CHRNA6: variants seen among roughly 807,000 people sequenced by gnomAD.
The protein encoded by CHRNA6 is cholinergic receptor nicotinic alpha 6 subunit.
A neutral mutation model predicts 40.9 loss-of-function variants in CHRNA6; 31 were observed. That is an observed-to-expected ratio of 0.76 (90% confidence interval 0.57 to 1.02). The LOEUF (loss-of-function observed/expected upper bound fraction) is 1.02. Ranked by LOEUF, CHRNA6 falls within the 50% of genes least tolerant of loss-of-function variation. The pLI is 0.00. For synonymous variants in CHRNA6, 222 were observed against 221.3 expected (o/e 1.00, Z -0.03); for missense variants, 546 against 596.6 (o/e 0.92, Z 0.88).
intron 3 of CHRNA6, 33 bp downstream of exon 3, chr8:42,759,036 A>G (rs1309774472): frequency 3.2e-6 from 5 of 1,572,792 alleles, no homozygotes; most frequent in Non-Finnish European, 4.4e-6. Context: ...TCCATTCAAC[A>G]TCATTAAGCC....
At chr8:42,765,907 T>C (rs1272310970) in intron 1 of CHRNA6, among the ~76,000 whole-genome samples, 1 of 151,996 alleles carries the variant, frequency 6.6e-6, no homozygotes, top group African/African-American at 2.4e-5. Flanking sequence ...TATTAAAAAG[T>C]GAAGAAATAA....
chr8:42,761,121 G>C (rs529262234), intron 2 of CHRNA6, among the ~76,000 whole-genome samples: 2 of 152,242 alleles, frequency 1.3e-5, no homozygotes, highest in African/African-American at 4.8e-5. Flanking sequence ...TGCCCCTTCT[G>C]GAAAACTCTA....
chr8:42,764,676 T>A (rs557589413), intron 2 of CHRNA6, among the ~76,000 whole-genome samples: 1 of 152,262 alleles, frequency 6.6e-6, no homozygotes, highest in South Asian at 2.1e-4. Flanking sequence ...GCTTTGGAGT[T>A]AAATCTCAAT....
chr8:42,757,760 G>A (rs1459638539), intron 3 of CHRNA6, among the ~76,000 whole-genome samples: 7 of 145,612 alleles, frequency 4.8e-5, no homozygotes, highest in Non-Finnish European at 9.0e-5. Flanking sequence ...GTGGCCCGGC[G>A]CGATGGCTCA....
At chr8:42,764,130 T>C (rs1816940181) in intron 2 of CHRNA6, among the ~76,000 whole-genome samples, 1 of 152,156 alleles carries the variant, frequency 6.6e-6, no homozygotes, top group Non-Finnish European at 1.5e-5. Flanking sequence ...GCCCAGACCT[T>C]GCTGTACCCA....
Position 42,757,569 on chromosome 8 carries a change from A to C in CHRNA6, c.265-532T>G, listed in dbSNP as rs6997123. Among the ~76,000 whole-genome samples the C allele has an allele frequency of 0.011, 735 of 67,138 alleles. 7 individuals carry two copies. The African/African-American group carries it at 0.16, about 15-fold the overall frequency. The allele number at this position is 67,138 out of a possible 152,430, so 44.0% of individuals were successfully genotyped here. ...GAAACCCCATTTTTACTAAAAATAC[A>C]AAAAAAAAAAAAAATTAGCCAGGCA... On this transcript the variant is annotated intron_variant, in intron 3 of 5. Coordinates refer to ENST00000276410, the MANE Select transcript of CHRNA6 (RefSeq NM_004198.3).
intron 1 of CHRNA6, among the ~76,000 whole-genome samples, chr8:42,765,819 C>T (rs183489617): frequency 2.0e-5 from 3 of 152,266 alleles, no homozygotes; most frequent in African/African-American, 7.2e-5. Flanking sequence ...AGAAAAAAAG[C>T]TCAACAACAC....
chr8:42,766,934 G>C (rs539964896), intron 1 of CHRNA6, among the ~76,000 whole-genome samples: 109 of 152,342 alleles, frequency 7.2e-4, no homozygotes, highest in Admixed American at 3.5e-3. Flanking sequence ...AGATTTCTGA[G>C]AATGCAAGAT....
Position 42,756,687 on chromosome 8 carries a change from T to C in CHRNA6, c.512A>G (p.Asn171Ser), listed in dbSNP as rs1186167138. 6.2e-7 allele frequency: 1 copy of C among 1,614,186 alleles called. No homozygotes were observed. The stretch of plus-strand genomic sequence containing the variant: ...CCAGGAACCAAATTTTAGGGAACAG[T>C]TTTGATGATCAAAAGGGAAAAAGGT... ...DITFFPFDHQ[N>S]CSLKFGSWTY... The change falls in exon 5 of 6, where the codon AAC becomes AGC. Residue 171 changes from asparagine to serine, a missense_variant. Coordinates refer to ENST00000276410, the MANE Select transcript of CHRNA6 (RefSeq NM_004198.3).
At chr8:42,753,348 A>G (rs986862581) in intron 5 of CHRNA6, 38 bp from the exon 6 acceptor site, 1 of 1,575,740 alleles carries the variant, frequency 6.3e-7, no homozygotes, top group Admixed American at 2.0e-5. Context: ...GTTTTAAAAA[A>G]CCAAAACCAT....
chr8:42,759,019 G>A (rs1563624991), intron 3 of CHRNA6, 50 bp downstream of exon 3: 1 of 1,379,076 alleles, frequency 7.3e-7, no homozygotes. Flanking sequence ...AGTGCTTGTG[G>A]GTTTTATCCA....
rs1354728459 is a variant in CHRNA6, at chr8:42,752,776, GT to G, written c.*402del. 6.0e-6 allele frequency: 1 copy of G among 168,028 alleles called. No individual in the cohort carries two copies. The highest frequency in any genetic ancestry group is 1.3e-5 in the Non-Finnish European group (1 of 78,932). The allele number at this position is 168,028 out of a possible 1,614,324, so 10.4% of individuals were successfully genotyped here. On this transcript the variant is annotated 3_prime_UTR_variant, in exon 6 of 6. Coordinates refer to ENST00000276410, the MANE Select transcript of CHRNA6 (RefSeq NM_004198.3). ...AATGTTGCATGGTCCAATTCCCAGA[GT>G]TCACCTGTCACATGTCATAATACTG...
intron 5 of CHRNA6, among the ~76,000 whole-genome samples, chr8:42,754,031 G>A (rs1343415622): frequency 1.3e-5 from 2 of 152,178 alleles, no homozygotes; most frequent in African/African-American, 4.8e-5. Flanking sequence ...GGAATAGGCA[G>A]CCCTCCAGCC....
At position 42,756,110 on chromosome 8, in the gene CHRNA6, C is replaced by T; in HGVS notation, c.1089G>A (p.Arg363=). The T allele has an allele frequency of 2.5e-6, 4 of 1,614,250 alleles. No homozygotes were observed. The highest frequency in any genetic ancestry group is 3.4e-6 in the Non-Finnish European group (4 of 1,180,048). ...LLMRWPLDKT[R]GTGSDAVPRG... Reference sequence around the variant, plus strand: ...TGGGCACTGCATCAGAGCCTGTGCCCCTTGTCTTGTCCAGAGGCCACCTCA... The same window carrying T: ...TGGGCACTGCATCAGAGCCTGTGCCTCTTGTCTTGTCCAGAGGCCACCTCA... Residue 363 remains arginine, a synonymous_variant, in exon 5 of 6, where the codon AGG becomes AGA. Coordinates refer to ENST00000276410, the MANE Select transcript of CHRNA6 (RefSeq NM_004198.3).
At chr8:42,755,744 C>G in intron 5 of CHRNA6, 102 bp downstream of exon 5, 1 of 1,364,818 alleles carries the variant, frequency 7.3e-7, no homozygotes. Context: ...CCGCCTGACC[C>G]TCTCAGGAAC....
intron 3 of CHRNA6, among the ~76,000 whole-genome samples, chr8:42,757,847 C>G (rs1263465174): frequency 6.6e-6 from 1 of 151,278 alleles, no homozygotes; most frequent in Non-Finnish European, 1.5e-5. Context: ...TCCTGCCTAA[C>G]ACGGTGAAAC....
At position 42,756,802 on chromosome 8, in the gene CHRNA6, C is replaced by T. The variant is rs781631069; in HGVS notation, c.397G>A (p.Glu133Lys). The T allele has an allele frequency of 6.2e-7, 1 of 1,607,124 alleles. No individual in the cohort carries two copies. The highest frequency in any genetic ancestry group is 1.7e-5 in the Admixed American group (1 of 58,570). ...TTAAGAAGAGCTTTTGTTTTGCCTTCTACTTGGAAGTCACCAACAGCACTG... is the reference window on the plus strand; with the variant it reads ...TTAAGAAGAGCTTTTGTTTTGCCTTTTACTTGGAAGTCACCAACAGCACTG... ...YNNAVGDFQV[E>K]GKTKALLKYN... Residue 133 changes from glutamate (E) to lysine (K), a missense_variant, in exon 5 of 6, where the codon GAA becomes AAA. Glu to Lys is a moderately conservative substitution (Grantham distance 56, BLOSUM62 1). This residue lies in a region of CHRNA6 where 476 missense variants were observed against 494.5 expected (regional missense o/e 0.96). Coordinates refer to ENST00000276410, the MANE Select transcript of CHRNA6 (RefSeq NM_004198.3).
intron 5 of CHRNA6, among the ~76,000 whole-genome samples, chr8:42,753,606 G>A (rs1816754167): frequency 6.6e-6 from 1 of 152,158 alleles, no homozygotes; most frequent in African/African-American, 2.4e-5. Context: ...CCTGGGAGGT[G>A]GAGGTTGCAG....
At position 42,756,665 on chromosome 8, in the gene CHRNA6, G is replaced by T. The variant is rs572063786; in HGVS notation, c.534C>A (p.Ser178=). 1 of 1,614,148 alleles carries T rather than the reference G, an allele frequency of 6.2e-7. No homozygotes were observed. Among genetic ancestry groups the T allele is most frequent in the Admixed American group, 1.7e-5 (1 of 60,014 alleles). ...CAATTTCAGCTTTGTCATACGTCCA[G>T]GAACCAAATTTTAGGGAACAGTTTT... ...DHQNCSLKFG[S]WTYDKAEIDL... The change falls in exon 5 of 6, where the codon TCC becomes TCA. Residue 178 remains serine (S), a synonymous_variant. Coordinates refer to ENST00000276410, the MANE Select transcript of CHRNA6 (RefSeq NM_004198.3).
Sources: allele counts gnomAD v4.1 joint callset (sites outside exome capture counted in the v4.1 genomes callset), GRCh38; gene constraint gnomAD v4.1.1; regional missense constraint gnomAD v4.1.1; transcripts MANE v1.5; gene names NCBI Gene and HGNC (gene_info 2026-07-23, HGNC 2026-07-21).